ERCC6L: variants seen among roughly 807,000 people sequenced by gnomAD.
ERCC6L encodes ERCC excision repair 6 like, spindle assembly checkpoint helicase, also known as DNA excision repair protein ERCC-6-like.
In ERCC6L, 7 loss-of-function variants were observed where a neutral mutation model predicts 20.1. That is an observed-to-expected ratio of 0.35 (90% CI 0.20 to 0.65). The LOEUF (loss-of-function observed/expected upper bound fraction) is 0.65, where lower values mean the gene tolerates loss of function less well. ERCC6L is among the 30% of genes least tolerant of loss of function. ERCC6L has a pLI of 0.69. For missense variants in ERCC6L, 592 were observed against 892.4 expected (o/e 0.66, Z 4.29); for synonymous variants, 278 against 331.3 (o/e 0.84, Z 1.75).
At chrX:72,213,827 C>T (rs1163055678) in intron 1 of ERCC6L, among the ~76,000 whole-genome samples, 1 of 111,574 alleles carries the variant, frequency 9.0e-6, no homozygotes, top group African/African-American at 3.3e-5. Flanking sequence ...TCCGTGAGGC[C>T]AAGAACCCCA....
chrX:72,232,758 T>C (rs2042992802), intron 1 of ERCC6L, among the ~76,000 whole-genome samples: 2 of 111,685 alleles, frequency 1.8e-5, no homozygotes, highest in African/African-American at 6.5e-5. Context: ...TGCAGTGAGC[T>C]GAGATCGCGT....
At position 72,206,925 on chromosome X, in the gene ERCC6L, G is replaced by A. The variant is rs766289097; in HGVS notation, c.1842C>T (p.Asn614=). The part of the protein sequence containing the change: ...LIRQTTGEKK[N]PFRYFSKQEL... ...CTTGTTTACTAAAATATCGGAAAGG[G>A]TTCTTTTTTTCACCAGTAGTTTGTC... Residue 614 remains asparagine (N), a synonymous_variant, in exon 2 of 2, where the codon AAC becomes AAT. Transcript: ENST00000334463. 13 of 1,209,279 alleles carry A rather than the reference G, an allele frequency of 1.1e-5. No homozygotes were observed. In the East Asian group the frequency reaches 3.6e-4, roughly 33 times the overall value.
intron 1 of ERCC6L, among the ~76,000 whole-genome samples, chrX:72,231,534 T>G (rs1267600309): frequency 2.7e-5 from 3 of 111,193 alleles, no homozygotes; most frequent in Non-Finnish European, 5.7e-5. Flanking sequence ...AATCATATAT[T>G]TCAAAATAGC....
chrX:72,229,313 G>A lies in ERCC6L; in HGVS notation c.68+9531C>T, dbSNP rs576403734. ...CACCTGAAGCAAATGGAGCATTTCCGCAACTGGCTCGTTTGACAGCCTCTC... is the reference window on the plus strand; with the variant it reads ...CACCTGAAGCAAATGGAGCATTTCCACAACTGGCTCGTTTGACAGCCTCTC... On this transcript the variant is annotated intron_variant, in intron 1 of 1. Coordinates refer to ENST00000334463, the MANE Select transcript of ERCC6L (RefSeq NM_017669.4). Among the ~76,000 whole-genome samples the A allele has an allele frequency of 3.5e-4, 39 of 111,767 alleles. No homozygotes were observed. The South Asian group carries it at 0.014, about 41-fold the overall frequency.
intron 1 of ERCC6L, among the ~76,000 whole-genome samples, chrX:72,238,589 G>T (rs765011234): frequency 3.6e-5 from 4 of 112,595 alleles, no homozygotes; most frequent in Admixed American, 9.4e-5. Flanking sequence ...ATTAATTAAG[G>T]CTCCTCTGGC....
intron 1 of ERCC6L, among the ~76,000 whole-genome samples, chrX:72,232,956 T>C (rs2042994160): frequency 1.8e-5 from 2 of 110,419 alleles, no homozygotes; most frequent in Admixed American, 9.7e-5. Flanking sequence ...AAAAACTGAT[T>C]TGAGCAATAA....
chrX:72,235,394 T>TC (rs1404369524), intron 1 of ERCC6L, among the ~76,000 whole-genome samples: 1 of 99,813 alleles, frequency 1.0e-5, no homozygotes, highest in African/African-American at 3.8e-5. Context: ...TTCCACTTTT[T>TC]TTTTTTTTTT....
chrX:72,215,604 A>G (rs2042883372), intron 1 of ERCC6L, among the ~76,000 whole-genome samples: 1 of 111,665 alleles, frequency 9.0e-6, no homozygotes, highest in South Asian at 3.7e-4. Context: ...GACTAAAAAG[A>G]CTGCTTTGCC....
intron 1 of ERCC6L, among the ~76,000 whole-genome samples, chrX:72,213,921 AAC>A (rs1569490652): frequency 8.9e-6 from 1 of 112,087 alleles, no homozygotes; most frequent in Non-Finnish European, 1.9e-5. Flanking sequence ...CCTGTCCGTT[AAC>A]AGTTTCCCTA....
At chrX:72,238,732 T>C (rs2147609072) in intron 1 of ERCC6L, 112 bp downstream of exon 1, 1 of 688,097 alleles carries the variant, frequency 1.5e-6, no homozygotes, top group East Asian at 3.6e-5. Flanking sequence ...CGAGCGCGCG[T>C]CTCAAAAGGC....
intron 1 of ERCC6L, among the ~76,000 whole-genome samples, chrX:72,216,952 A>C (rs2042890221): frequency 8.9e-6 from 1 of 112,305 alleles, no homozygotes; most frequent in Non-Finnish European, 1.9e-5. Flanking sequence ...TGCTCCCCAA[A>C]AATAATAAAA....
Position 72,205,500 on chromosome X carries a change from A to G in ERCC6L, c.3267T>C (p.Ser1089=). 1 of 1,211,752 alleles carries G rather than the reference A, an allele frequency of 8.3e-7. No individual in the cohort carries two copies. The highest frequency in any genetic ancestry group is 3.0e-5 in the East Asian group (1 of 33,844). ...IPSSVNKSMN[S]RRSLASRRSL... ...ACCTCCTAGAAGCCAGAGATCTTCTAGAGTTCATAGACTTATTTACACTAC... is the reference window on the plus strand; with the variant it reads ...ACCTCCTAGAAGCCAGAGATCTTCTGGAGTTCATAGACTTATTTACACTAC... Residue 1089 remains serine, a synonymous_variant, in exon 2 of 2, where the codon TCT becomes TCC. Coordinates refer to ENST00000334463, the MANE Select transcript of ERCC6L (RefSeq NM_017669.4).
intron 1 of ERCC6L, among the ~76,000 whole-genome samples, chrX:72,215,288 C>T (rs774391098): frequency 1.8e-5 from 2 of 111,569 alleles, no homozygotes; most frequent in African/African-American, 6.5e-5. Context: ...TATTCTATAT[C>T]CTGATAGGGG....
intron 1 of ERCC6L, among the ~76,000 whole-genome samples, chrX:72,227,566 C>T (rs183562048): frequency 9.0e-6 from 1 of 111,438 alleles, no homozygotes; most frequent in Non-Finnish European, 1.9e-5. Context: ...CCACCTCTAC[C>T]AACTCCCCTT....
intron 1 of ERCC6L, among the ~76,000 whole-genome samples, chrX:72,233,746 C>T (rs2042999979): frequency 1.0e-5 from 1 of 96,793 alleles, no homozygotes; most frequent in African/African-American, 4.4e-5. Flanking sequence ...TGAATATGGA[C>T]TATGTATTAG....
intron 1 of ERCC6L, among the ~76,000 whole-genome samples, chrX:72,230,889 C>T (rs1602451248): frequency 8.9e-6 from 1 of 112,054 alleles, no homozygotes; most frequent in East Asian, 2.8e-4. Context: ...TGCTTGAGCT[C>T]AGGAGCCCCA....
At chrX:72,211,236 G>T (rs1253938367) in intron 1 of ERCC6L, among the ~76,000 whole-genome samples, 1 of 110,725 alleles carries the variant, frequency 9.0e-6, no homozygotes, top group African/African-American at 3.3e-5. Context: ...TTCCAGAATT[G>T]CTCCCCTATT....
chrX:72,220,023 A>C (rs183987565), intron 1 of ERCC6L, among the ~76,000 whole-genome samples: 1 of 111,368 alleles, frequency 9.0e-6, no homozygotes, highest in East Asian at 2.8e-4. Flanking sequence ...TGATCAGGTT[A>C]AGGAAGTTAC....
chrX:72,234,616 G>A (rs1253946321), intron 1 of ERCC6L, among the ~76,000 whole-genome samples: 1 of 111,193 alleles, frequency 9.0e-6, no homozygotes, highest in Non-Finnish European at 1.9e-5. Flanking sequence ...GAAAGAATTG[G>A]TGGGCTGAAG....
Sources: gnomAD v4.1 joint callset for allele counts (sites outside exome capture counted in the v4.1 genomes callset) on GRCh38, gnomAD v4.1.1 for gene constraint, MANE v1.5 for transcripts, NCBI Gene and HGNC (gene_info 2026-07-23, HGNC 2026-07-21) for gene names.